The following HYCC2 variants were observed in gnomAD, a reference collection of about 807,000 sequenced individuals.
The protein encoded by HYCC2 is hyccin 2.
At chr2:201,045,554 G>A in the HYCC2 span, 2 of 398,318 alleles carry the variant, frequency 5.0e-6, no homozygotes, top group East Asian at 7.2e-5. Flanking sequence ...CAGAGTTCAA[G>A]TGGGGAATTC....
chr2:201,069,972 A>G, the HYCC2 span, among the ~76,000 whole-genome samples: 1 of 152,224 alleles, frequency 6.6e-6, no homozygotes, highest in Non-Finnish European at 1.5e-5. Context: ...ATTTAGGAAA[A>G]TTGTAGAGTT....
the HYCC2 span, chr2:200,992,389 T>C: frequency 6.9e-7 from 1 of 1,451,222 alleles, no homozygotes; most frequent in South Asian, 1.2e-5. Flanking sequence ...GCAGATCATT[T>C]ATACTCTTGA....
chr2:200,994,729 G>A, the HYCC2 span, among the ~76,000 whole-genome samples: 11 of 152,070 alleles, frequency 7.2e-5, no homozygotes, highest in African/African-American at 2.2e-4. Flanking sequence ...GGCTGGGTGT[G>A]GTGACTCATG....
chr2:200,989,219 A>C, the HYCC2 span, among the ~76,000 whole-genome samples: 1 of 152,226 alleles, frequency 6.6e-6, no homozygotes, highest in Non-Finnish European at 1.5e-5. Context: ...ACAATAAAAG[A>C]ATACTGTTAG....
At chr2:201,022,762 A>G in the HYCC2 span, 1 of 961,378 alleles carries the variant, frequency 1.0e-6, no homozygotes, top group South Asian at 2.0e-5. Flanking sequence ...TATAAAACTT[A>G]AATTTATGTG....
At chr2:201,064,079 A>C in the HYCC2 span, 1 of 1,558,046 alleles carries the variant, frequency 6.4e-7, no homozygotes, top group Non-Finnish European at 8.7e-7. Context: ...GCAGGAGAGG[A>C]GAGCCAGAGA....
the HYCC2 span, among the ~76,000 whole-genome samples, chr2:201,055,438 C>A: frequency 3.3e-5 from 5 of 151,228 alleles, no homozygotes; most frequent in Admixed American, 6.6e-5. Context: ...GGGGCTCACA[C>A]CTGTAATCCC....
the HYCC2 span, chr2:200,981,860 C>T: frequency 1.3e-6 from 2 of 1,598,084 alleles, no homozygotes; most frequent in South Asian, 1.1e-5. This position sits in a 1 kb window ranked among gnomAD's most constrained non-coding sequence, Gnocchi z 4.5. Flanking sequence ...CCTCCATTTA[C>T]ACCCTCAGCA....
chr2:201,061,744 T>C, the HYCC2 span, among the ~76,000 whole-genome samples: 1 of 152,180 alleles, frequency 6.6e-6, no homozygotes, highest in African/African-American at 2.4e-5. Context: ...TAGACTGTTT[T>C]TCATTCTTAA....
At chr2:201,018,384 C>T in the HYCC2 span, among the ~76,000 whole-genome samples, 8 of 151,986 alleles carry the variant, frequency 5.3e-5, no homozygotes, top group African/African-American at 1.7e-4. Flanking sequence ...TCAGTAATTT[C>T]ATGTACTTTC....
At chr2:201,025,881 C>A in the HYCC2 span, among the ~76,000 whole-genome samples, 1 of 152,018 alleles carries the variant, frequency 6.6e-6, no homozygotes, top group East Asian at 1.9e-4. Flanking sequence ...AAACACAGCA[C>A]GAGATTCCCA....
the HYCC2 span, among the ~76,000 whole-genome samples, chr2:201,051,716 G>A: frequency 2.2e-4 from 34 of 152,264 alleles, no homozygotes; most frequent in African/African-American, 7.9e-4. Flanking sequence ...TTCATGAGTT[G>A]GGAAGACTCA....
At chr2:200,987,469 G>A in the HYCC2 span, 8 of 1,289,702 alleles carry the variant, frequency 6.2e-6, no homozygotes, top group Admixed American at 4.6e-5. Flanking sequence ...TAGGTCAGTG[G>A]AGCCGTGTTG....
At chr2:201,045,706 T>C in the HYCC2 span, 3 of 390,160 alleles carry the variant, frequency 7.7e-6, no homozygotes, top group Non-Finnish European at 1.4e-5. Context: ...TTTTAAGAAA[T>C]AATTATAGAT....
chr2:201,062,951 ACTGCTGCTG>A, the HYCC2 span: 5 of 1,038,854 alleles, frequency 4.8e-6, no homozygotes, highest in Non-Finnish European at 7.2e-6. Flanking sequence ...AACAACTACT[ACTGCTGCTG>A]CTGCTGCTAT....
At chr2:201,068,773 G>C in the HYCC2 span, among the ~76,000 whole-genome samples, 1 of 152,214 alleles carries the variant, frequency 6.6e-6, no homozygotes, top group Non-Finnish European at 1.5e-5. Context: ...ACTCGGAACA[G>C]ATGTAAGCTA....
the HYCC2 span, among the ~76,000 whole-genome samples, chr2:201,019,301 C>G: frequency 6.6e-6 from 1 of 152,126 alleles, no homozygotes; most frequent in African/African-American, 2.4e-5. Context: ...TCAGTAGCAA[C>G]AGGTACACTG....
At chr2:201,023,224 C>CT in the HYCC2 span, among the ~76,000 whole-genome samples, 1 of 152,000 alleles carries the variant, frequency 6.6e-6, no homozygotes, top group African/African-American at 2.4e-5. Context: ...TGGCGGGTGC[C>CT]TGTAATCCCA....
chr2:201,026,546 T>C, the HYCC2 span, among the ~76,000 whole-genome samples: 4 of 152,298 alleles, frequency 2.6e-5, no homozygotes, highest in Admixed American at 2.0e-4. Flanking sequence ...TATTCCAAAA[T>C]TGACCACATA....
Sources: gnomAD v4.1 joint callset for allele counts (sites outside exome capture counted in the v4.1 genomes callset) on GRCh38, gnomAD v4.1.1 for gene constraint, Gnocchi (gnomAD v3.1) non-coding constraint, MANE v1.5 for transcripts, NCBI Gene and HGNC (gene_info 2026-07-23, HGNC 2026-07-21) for gene names.